TBL1X: variants seen among roughly 807,000 people sequenced by gnomAD.
TBL1X encodes F-box-like/WD repeat-containing protein TBL1X.
A neutral mutation model predicts 50.7 loss-of-function variants in TBL1X; 10 were observed. The observed-to-expected ratio is 0.20, with a 90% confidence interval of 0.12 to 0.33. The LOEUF is 0.33. Ranked by LOEUF, TBL1X falls within the 10% of genes least tolerant of loss-of-function variation. The pLI is 1.00. For synonymous variants in TBL1X, 190 were observed against 214.7 expected (o/e 0.88, Z 1.01); for missense variants, 340 against 504.4 (o/e 0.67, Z 3.12).
chrX:9,470,597 C>T (rs1163047860), intron 1 of TBL1X, among the ~76,000 whole-genome samples: 1 of 112,154 alleles, frequency 8.9e-6, no homozygotes, highest in Non-Finnish European at 1.9e-5. Context: ...TTCTTGATGC[C>T]TCATTGTTTC....
intron 2 of TBL1X, among the ~76,000 whole-genome samples, chrX:9,591,238 C>T (rs2082498385): frequency 9.0e-6 from 1 of 111,471 alleles, no homozygotes. Flanking sequence ...TCATTCTCCA[C>T]GTGAAGCACT....
chrX:9,539,121 A>G (rs769378693), intron 2 of TBL1X, among the ~76,000 whole-genome samples: 3 of 112,488 alleles, frequency 2.7e-5, no homozygotes, highest in Admixed American at 9.4e-5. Context: ...AAAAGGATAC[A>G]TTGTGTTTGA....
At chrX:9,601,082 C>G (rs954229567) in intron 2 of TBL1X, among the ~76,000 whole-genome samples, 1 of 111,676 alleles carries the variant, frequency 9.0e-6, no homozygotes, top group African/African-American at 3.3e-5. Context: ...GTGGCGAGAT[C>G]CGAGTCTCCA....
At chrX:9,692,651 G>T (rs746124511) in intron 9 of TBL1X, among the ~76,000 whole-genome samples, 63 of 112,601 alleles carry the variant, frequency 5.6e-4, no homozygotes, top group Non-Finnish European at 1.2e-3. Context: ...AATGTGATCC[G>T]CCTGCCTCAG....
intron 1 of TBL1X, among the ~76,000 whole-genome samples, chrX:9,484,317 TACACAC>T (rs746013426): frequency 1.2e-4 from 13 of 108,798 alleles, no homozygotes; most frequent in Non-Finnish European, 1.9e-4. Flanking sequence ...CGTTTTTTCA[TACACAC>T]ACACACACAC....
At chrX:9,590,358 A>G (rs1162079300) in intron 2 of TBL1X, among the ~76,000 whole-genome samples, 1 of 90,643 alleles carries the variant, frequency 1.1e-5, no homozygotes, top group Non-Finnish European at 2.2e-5. Context: ...TTTCAAGATT[A>G]AAAGTTTTTT....
chrX:9,661,163 T>C (rs2082896298), intron 5 of TBL1X, among the ~76,000 whole-genome samples: 1 of 112,627 alleles, frequency 8.9e-6, no homozygotes, highest in Admixed American at 9.4e-5. Flanking sequence ...AAGTAGTACA[T>C]CCACATGCCC....
At chrX:9,663,171 T>C (rs2082908458) in intron 5 of TBL1X, among the ~76,000 whole-genome samples, 1 of 111,511 alleles carries the variant, frequency 9.0e-6, no homozygotes, top group African/African-American at 3.3e-5. Context: ...GGCTTTTTCA[T>C]AGTCCCATAT....
intron 2 of TBL1X, among the ~76,000 whole-genome samples, chrX:9,606,066 G>A (rs1342303701): frequency 8.9e-6 from 1 of 112,313 alleles, no homozygotes; most frequent in African/African-American, 3.2e-5. Flanking sequence ...CTCTCGTGAG[G>A]TTGCAGCCTG....
chrX:9,516,289 C>A (rs1221567051), intron 2 of TBL1X, among the ~76,000 whole-genome samples: 1 of 111,743 alleles, frequency 8.9e-6, no homozygotes, highest in Non-Finnish European at 1.9e-5. Flanking sequence ...TTTCTCTTTT[C>A]TCTCCCCCAC....
chrX:9,481,003 T>C (rs994671650), intron 1 of TBL1X, among the ~76,000 whole-genome samples: 4 of 111,739 alleles, frequency 3.6e-5, no homozygotes, highest in African/African-American at 1.3e-4. Flanking sequence ...CAGTAATAAT[T>C]ATGATTGTTA....
rs752600562 is a variant in TBL1X at position 9,716,197 on chromosome X, AG to A, written c.1708-21del. 11 of 1,209,693 alleles carry A rather than the reference AG, an allele frequency of 9.1e-6. No individual in the cohort carries two copies. In the South Asian group the frequency reaches 1.8e-4, roughly 19 times the overall value. ...TCTTTGTATTGTCTCTCAAGATGACAGGTGCTTTATCTTTCCTTCCAGGTGT... is the reference window on the plus strand; with the variant it reads ...TCTTTGTATTGTCTCTCAAGATGACAGTGCTTTATCTTTCCTTCCAGGTGT... On this transcript the variant is annotated intron_variant, in intron 17 of 17. Coordinates refer to ENST00000645353, the MANE Select transcript of TBL1X (RefSeq NM_005647.4).
intron 2 of TBL1X, among the ~76,000 whole-genome samples, chrX:9,576,956 C>T (rs2082415850): frequency 9.0e-6 from 1 of 111,054 alleles, no homozygotes; most frequent in East Asian, 2.8e-4. Context: ...GCCGTAATTG[C>T]ACCATTGCAC....
At chrX:9,491,327 TATA>T (rs1485249130) in intron 1 of TBL1X, among the ~76,000 whole-genome samples, 3 of 30,180 alleles carry the variant, frequency 9.9e-5, no homozygotes, top group African/African-American at 3.3e-4. Flanking sequence ...TATATATATA[TATA>T]TATATATATT....
intron 2 of TBL1X, among the ~76,000 whole-genome samples, chrX:9,536,758 A>G (rs1402796114): frequency 9.0e-6 from 1 of 111,611 alleles, no homozygotes; most frequent in Non-Finnish European, 1.9e-5. Context: ...TCTCCTGGCC[A>G]CTGTTGTGCC....
intron 15 of TBL1X, among the ~76,000 whole-genome samples, chrX:9,710,394 A>G (rs1166023089): frequency 9.0e-6 from 1 of 111,066 alleles, no homozygotes; most frequent in East Asian, 2.8e-4. Context: ...CGGAACCAAA[A>G]AAACAAAGAA....
chrX:9,652,750 C>T (rs993873482), intron 3 of TBL1X, among the ~76,000 whole-genome samples: 1 of 108,930 alleles, frequency 9.2e-6, no homozygotes, highest in African/African-American at 3.4e-5. Context: ...ACCCGGGAGG[C>T]TGAGGTGAGA....
At chrX:9,679,433 C>T (rs750735086) in intron 5 of TBL1X, among the ~76,000 whole-genome samples, 3 of 111,376 alleles carry the variant, frequency 2.7e-5, no homozygotes, top group African/African-American at 6.5e-5. Flanking sequence ...ATCAGGAATA[C>T]GCCTCCTAAG....
chrX:9,477,933 C>A (rs1373979971), intron 1 of TBL1X, among the ~76,000 whole-genome samples: 1 of 111,856 alleles, frequency 8.9e-6, no homozygotes, highest in Non-Finnish European at 1.9e-5. Flanking sequence ...ATGAGTATCT[C>A]TGTGCTTGGT....
Sources: allele counts gnomAD v4.1 joint callset (sites outside exome capture counted in the v4.1 genomes callset), GRCh38; gene constraint gnomAD v4.1.1; transcripts MANE v1.5; gene names NCBI Gene and HGNC (gene_info 2026-07-23, HGNC 2026-07-21).